VPS13B: variants seen among roughly 807,000 people sequenced by gnomAD.
VPS13B encodes the protein vacuolar protein sorting 13 homolog B, also known as intermembrane lipid transfer protein VPS13B.
In VPS13B, 285 loss-of-function variants were observed where a neutral mutation model predicts 426.4. That is an observed-to-expected ratio of 0.67 (90% CI 0.61 to 0.74). The LOEUF (loss-of-function observed/expected upper bound fraction) is 0.74, where lower values mean the gene tolerates loss of function less well. Among genes scored for constraint, VPS13B ranks in the 30% least tolerant of loss-of-function variants. The pLI is 0.00. For synonymous variants in VPS13B, 1,676 were observed against 1,676.4 expected, an observed-to-expected ratio of 1.00 and a Z score of 0.01; for missense variants, 4,537 against 4,782.6, an observed-to-expected ratio of 0.95 and a Z score of 1.51.
chr8:99,687,717 G>A (rs1831477965), intron 35 of VPS13B, among the ~76,000 whole-genome samples: 2 of 152,020 alleles, frequency 1.3e-5, no homozygotes, highest in African/African-American at 2.4e-5. Context: ...GATGGAATAG[G>A]GTTGGCATCC....
At chr8:99,493,322 C>T (rs1820715984) in intron 25 of VPS13B, among the ~76,000 whole-genome samples, 2 of 151,842 alleles carry the variant, frequency 1.3e-5, no homozygotes, top group African/African-American at 4.8e-5. Flanking sequence ...GCAAGTGTTC[C>T]CTCTTGTCCT....
At chr8:99,382,646 A>T (rs924524737) in intron 19 of VPS13B, among the ~76,000 whole-genome samples, 2 of 152,130 alleles carry the variant, frequency 1.3e-5, no homozygotes, top group Non-Finnish European at 1.5e-5. Flanking sequence ...AGGAATGCTA[A>T]TGATTTTTGT....
intron 19 of VPS13B, among the ~76,000 whole-genome samples, chr8:99,335,100 T>C (rs1810758606): frequency 6.6e-6 from 1 of 152,036 alleles, no homozygotes; most frequent in African/African-American, 2.4e-5. Flanking sequence ...GTGCATGTGT[T>C]GAGGAATTTA....
At chr8:99,635,322 A>G (rs529474457) in intron 33 of VPS13B, among the ~76,000 whole-genome samples, 4 of 151,980 alleles carry the variant, frequency 2.6e-5, no homozygotes, top group Non-Finnish European at 5.9e-5. Flanking sequence ...GTGGTTTTAC[A>G]CTTGACTTTT....
chr8:99,458,674 G>T (rs1475963100), intron 23 of VPS13B, among the ~76,000 whole-genome samples: 3 of 152,210 alleles, frequency 2.0e-5, no homozygotes, highest in Non-Finnish European at 4.4e-5. Flanking sequence ...GGCCAGTGAT[G>T]ATGAGCATGT....
At chr8:99,639,231 C>G (rs1829201039) in intron 33 of VPS13B, among the ~76,000 whole-genome samples, 1 of 152,128 alleles carries the variant, frequency 6.6e-6, no homozygotes, top group Non-Finnish European at 1.5e-5. Flanking sequence ...TTAACACTGT[C>G]TGATACTGTC....
At chr8:99,315,337 CTT>C (rs57818188) in intron 19 of VPS13B, among the ~76,000 whole-genome samples, 254 of 146,746 alleles carry the variant, frequency 1.7e-3, no homozygotes, top group Middle Eastern at 3.5e-3. Flanking sequence ...TTCTCTCTCT[CTT>C]TTTTTTTTTT....
At chr8:99,115,085 T>A (rs541729479) in intron 6 of VPS13B, among the ~76,000 whole-genome samples, 3 of 152,334 alleles carry the variant, frequency 2.0e-5, no homozygotes, top group East Asian at 3.9e-4. Context: ...AAAACTTTTG[T>A]TATTTAAATC....
intron 17 of VPS13B, among the ~76,000 whole-genome samples, chr8:99,240,162 C>T (rs1179323941): frequency 1.3e-5 from 2 of 152,120 alleles, no homozygotes; most frequent in Non-Finnish European, 2.9e-5. Flanking sequence ...TTGTCAACTG[C>T]CAGGTGGACT....
chr8:99,696,838 G>A lies in VPS13B; in HGVS notation c.6047-2687G>A, dbSNP rs1272727694. ...ACCTGTCACGGCCGCAGCTGGTGGC[G>A]CCGTGCAAGCTGCTGGAGCTGCAGT... is the stretch of plus-strand genomic sequence containing the variant. On this transcript the variant is annotated intron_variant, in intron 35 of 61. Transcript: ENST00000357162. 85 of 1,078,092 alleles carry A rather than the reference G, an allele frequency of 7.9e-5. No individual in the cohort carries two copies. The East Asian group carries it at 1.5e-3, about 19-fold the overall frequency. 66.8% of individuals were successfully genotyped at this position (1,078,092 alleles called of 1,614,324 possible).
rs2132221851 is a variant in VPS13B, at chr8:99,038,406, A to G, written c.148-17A>G. 8 of 1,584,696 alleles carry G rather than the reference A, an allele frequency of 5.0e-6. No homozygotes were observed. The highest frequency in any genetic ancestry group is 6.9e-6 in the Non-Finnish European group (8 of 1,161,748). ...TTAAGCACTTACTAATTTTTATGTA[A>G]TGTTTTGTGTTTTAAGGAACTGAAA... On this transcript the variant is annotated splice_polypyrimidine_tract_variant and intron_variant, in intron 2 of 61. Coordinates refer to ENST00000357162, the MANE Select transcript of VPS13B (RefSeq NM_152564.5).
In VPS13B at chr8:99,832,341, A is replaced by ATTTTTTTTTT. The variant is rs370235149; in HGVS notation, c.9331-12_9331-3dup. ...TTACTGTAGCTAATGTGCTCTCTGC[A>ATTTTTTTTTT]TTTTTTTTTTTTTTTTTTTTTTTTT... On this transcript the variant is annotated intron_variant, in intron 51 of 61. Coordinates refer to ENST00000357162, the MANE Select transcript of VPS13B (RefSeq NM_152564.5). 1.9e-4 allele frequency: 231 copies of ATTTTTTTTTT among 1,195,042 alleles called. 3 individuals are homozygous for ATTTTTTTTTT. The highest frequency in any genetic ancestry group is 5.0e-4 in the African/African-American group (23 of 45,924). 74.0% of individuals were successfully genotyped at this position (1,195,042 alleles called of 1,614,324 possible).
chr8:99,229,986 A>C (rs1235504727), intron 17 of VPS13B, among the ~76,000 whole-genome samples: 1 of 152,242 alleles, frequency 6.6e-6, no homozygotes, highest in African/African-American at 2.4e-5. Context: ...TCACATCACC[A>C]GTAATTGTGT....
intron 3 of VPS13B, among the ~76,000 whole-genome samples, chr8:99,062,028 C>A (rs1844216432): frequency 1.3e-5 from 2 of 152,166 alleles, no homozygotes; most frequent in Admixed American, 1.3e-4. Flanking sequence ...TTAAATACTT[C>A]CTTAAGTCGA....
intron 21 of VPS13B, among the ~76,000 whole-genome samples, chr8:99,393,999 GTTTGTTAAGGTATTCATAGTCT>G (rs1242513579): frequency 6.6e-6 from 1 of 151,996 alleles, no homozygotes; most frequent in Non-Finnish European, 1.5e-5. Context: ...ATTATAATGA[GTTTGTTAAGGTATTCATAGTCT>G]TTTGCACATC....
intron 28 of VPS13B, among the ~76,000 whole-genome samples, chr8:99,510,526 AG>A (rs1821728945): frequency 6.6e-6 from 1 of 152,200 alleles, no homozygotes; most frequent in African/African-American, 2.4e-5. Flanking sequence ...TGTTTGAGAC[AG>A]AGCCTCACTT....
intron 39 of VPS13B, among the ~76,000 whole-genome samples, chr8:99,734,160 T>C (rs1271229625): frequency 6.6e-6 from 1 of 152,222 alleles, no homozygotes; most frequent in East Asian, 1.9e-4. Context: ...TTTAGCATGT[T>C]ATTTTCACAG....
At chr8:99,096,120 TTAA>T (rs1169009848) in intron 3 of VPS13B, among the ~76,000 whole-genome samples, 189 bp from the exon 4 acceptor site, 1 of 152,184 alleles carries the variant, frequency 6.6e-6, no homozygotes, top group Non-Finnish European at 1.5e-5. Flanking sequence ...CTATGAGTTA[TTAA>T]TATTTTTTAA....
At chr8:99,566,577 G>A (rs1360975212) in intron 31 of VPS13B, among the ~76,000 whole-genome samples, 5 of 151,990 alleles carry the variant, frequency 3.3e-5, no homozygotes, top group Non-Finnish European at 1.5e-5. Context: ...TGAGTAGCTG[G>A]AATTACAGGC....
Sources: allele counts gnomAD v4.1 joint callset (sites outside exome capture counted in the v4.1 genomes callset), GRCh38; gene constraint gnomAD v4.1.1; transcripts MANE v1.5; gene names NCBI Gene and HGNC (gene_info 2026-07-23, HGNC 2026-07-21).